Variants in RYR1 observed in about 807,000 individuals in gnomAD.
RYR1 encodes the protein central core disease of muscle.
Under a neutral mutation model 583.5 loss-of-function variants are expected in RYR1, and 342 were observed. The ratio of observed to expected loss-of-function variants is 0.59; its 90% CI spans 0.54 to 0.64. RYR1 has a LOEUF of 0.64. Among genes scored for constraint, RYR1 ranks in the 30% least tolerant of loss-of-function variants. RYR1 has a pLI of 0.00. For synonymous variants in RYR1, 2,791 were observed against 2,822.5 expected, an observed-to-expected ratio of 0.99 and a Z score of 0.35; for missense variants, 6,032 against 6,917.2, an observed-to-expected ratio of 0.87 and a Z score of 4.54.
Position 38,517,589 on chromosome 19 carries a change from G to A in RYR1, c.9916G>A (p.Ala3306Thr), listed in dbSNP as rs770907655. ...CGCCGGCGCCCCCCCACCCTGCACA[G>A]CTGTCACCTCTGACCACCTCAACTC... ...LPAGAPPPCTAVTSDHLNSLL... is the reference protein window; with the variant it reads ...LPAGAPPPCTTVTSDHLNSLL... Residue 3306 changes from alanine to threonine, a missense_variant, in exon 66 of 106, where the codon GCT (alanine) becomes ACT (threonine). Around this residue, in one of 11 missense-constraint regions of RYR1, gnomAD observed 1,493 missense variants for 1,715.5 expected, o/e 0.87. Coordinates refer to ENST00000359596, the MANE Select transcript of RYR1 (RefSeq NM_000540.3). The A allele has an allele frequency of 1.2e-5, 19 of 1,613,964 alleles. No individual in the cohort carries two copies. Among genetic ancestry groups the A allele is most frequent in the South Asian group, 2.2e-5 (2 of 91,094 alleles).
Position 38,460,385 on chromosome 19 carries a change from C to A in RYR1, c.2371C>A (p.Leu791Ile), listed in dbSNP as rs1001953442. The A allele has an allele frequency of 9.3e-6, 15 of 1,614,074 alleles. No individual in the cohort carries two copies. Among genetic ancestry groups the A allele is most frequent in the Admixed American group, 1.7e-5 (1 of 60,004 alleles). The change falls in exon 20 of 106, where the codon CTC becomes ATC. Residue 791 changes from leucine (L) to isoleucine (I), a missense_variant. This residue lies in a region of RYR1 where 2,627 missense variants were observed against 2,961.3 expected (regional missense o/e 0.89). Transcript: ENST00000359596. Reference protein sequence around the residue: ...SFSAGVKVRFLLGGRHGEFKF... With the variant: ...SFSAGVKVRFILGGRHGEFKF... Reference sequence around the variant, plus strand: ...TCCTTCCTTACCCAGGGTGCGGTTCCTCCTTGGTGGCCGCCATGGTGAATT... The same window carrying A: ...TCCTTCCTTACCCAGGGTGCGGTTCATCCTTGGTGGCCGCCATGGTGAATT...
chr19:38,459,083 C>A, intron 18 of RYR1, 63 bp from the exon 19 acceptor site: 1 of 1,418,714 alleles, frequency 7.0e-7, no homozygotes, highest in Non-Finnish European at 9.9e-7. Context: ...TGTCCCTTTT[C>A]TCTTGTTATC....
intron 87 of RYR1, among the ~76,000 whole-genome samples, chr19:38,544,428 G>C (rs10500279): frequency 0.059 from 9,044 of 152,202 alleles, 399 homozygotes; most frequent in South Asian, 0.22. Flanking sequence ...CTCTGCTTCT[G>C]TCTGGTAACT....
In RYR1 at chr19:38,577,979, A is replaced by T. The variant is rs2145888383; in HGVS notation, c.14234A>T (p.Asp4745Val). ...RERIAELLGM[D>V]LATLEITAHN... ...CGGATTGCTGAGCTACTGGGCATGG[A>T]CCTGGCCACACTAGAGATCACAGCC... The change falls in exon 98 of 106, where the codon GAC (aspartate) becomes GTC (valine). Residue 4745 changes from aspartate to valine, a missense_variant. Physicochemically the swap from Asp to Val is radical, Grantham distance 152. Transcript: ENST00000359596. 1.2e-6 allele frequency: 2 copies of T among 1,613,982 alleles called. No individual in the cohort carries two copies. Among genetic ancestry groups the T allele is most frequent in the East Asian group, 4.5e-5 (2 of 44,870 alleles).
In RYR1 at chr19:38,502,668, T is replaced by C. The variant is rs746577270; in HGVS notation, c.7776T>C (p.Gly2592=). The change falls in exon 48 of 106, where the codon GGT becomes GGC. Residue 2592 remains glycine, a synonymous_variant. Transcript: ENST00000359596. ...ATACCGTGTACCGCCTGTCTCGGGG[T>C]CGTTCGCTCACCAAGGCGCAGCGTG... ...MLHTVYRLSR[G]RSLTKAQRDV... 7 of 1,607,896 alleles carry C rather than the reference T, an allele frequency of 4.4e-6. No individual in the cohort carries two copies. Among genetic ancestry groups the C allele is most frequent in the Non-Finnish European group, 5.1e-6 (6 of 1,178,834 alleles).
intron 96 of RYR1, among the ~76,000 whole-genome samples, chr19:38,575,233 C>T (rs888805859): frequency 2.6e-5 from 4 of 152,162 alleles, no homozygotes; most frequent in Admixed American, 2.6e-4. Context: ...CCCATCACCA[C>T]GCCAGAGCCT....
At chr19:38,514,671 C>T (rs1220656452) in intron 63 of RYR1, among the ~76,000 whole-genome samples, 1 of 151,852 alleles carries the variant, frequency 6.6e-6, no homozygotes, top group Non-Finnish European at 1.5e-5. Flanking sequence ...GAGGAAGTAC[C>T]CCTCACTTTC....
At chr19:38,567,385 C>T (rs1345574809) in intron 92 of RYR1, among the ~76,000 whole-genome samples, 2 of 152,072 alleles carry the variant, frequency 1.3e-5, no homozygotes, top group Admixed American at 6.5e-5. Context: ...AACTGCCAGG[C>T]CTTCGCATGT....
At chr19:38,454,788 T>TAA (rs72192667) in intron 13 of RYR1, among the ~76,000 whole-genome samples, 87 of 146,196 alleles carry the variant, frequency 6.0e-4, no homozygotes, top group Non-Finnish European at 7.5e-4. Flanking sequence ...TATTAAAATG[T>TAA]AAAAAAAAAA....
chr19:38,574,300 A>T (rs925274995), intron 96 of RYR1, among the ~76,000 whole-genome samples: 29 of 151,492 alleles, frequency 1.9e-4, no homozygotes, highest in Non-Finnish European at 3.5e-4. Context: ...AAGGAAAAAA[A>T]AAAAAGAAAG....
At position 38,502,851 on chromosome 19, in the gene RYR1, G is replaced by GA. The variant is rs199849275; in HGVS notation, c.7836-28dup. The GA allele has an allele frequency of 0.013, 21,350 of 1,600,600 alleles. 267 individuals carry two copies. Among genetic ancestry groups the GA allele is most frequent in the Non-Finnish European group, 0.016 (18,538 of 1,175,190 alleles). Reference sequence around the variant, plus strand: ...GGCAGCAGAGCGGGCCTGGACGGGGGATTCTACATCTTGTGCATTGTCCCG... The same window carrying GA: ...GGCAGCAGAGCGGGCCTGGACGGGGGAATTCTACATCTTGTGCATTGTCCCG... On this transcript the variant is annotated intron_variant, in intron 48 of 105. Transcript: ENST00000359596.
rs35648526 is a variant in RYR1 at position 38,507,649 on chromosome 19, A to G, written c.8817-63A>G. ...GCCAGCAGGAGCAGAGGCGGACCTGAGAAGGGTGGGAAACTGTAGGGCCGG... is the reference window on the plus strand; with the variant it reads ...GCCAGCAGGAGCAGAGGCGGACCTGGGAAGGGTGGGAAACTGTAGGGCCGG... On this transcript the variant is annotated intron_variant, in intron 57 of 105. Transcript: ENST00000359596. 0.039 allele frequency: 41,875 copies of G among 1,070,232 alleles called. 1,124 individuals are homozygous for G. Among genetic ancestry groups the G allele is most frequent in the Non-Finnish European group, 0.045 (30,744 of 685,048 alleles). 66.3% of individuals were successfully genotyped at this position (1,070,232 alleles called of 1,614,324 possible).
intron 42 of RYR1, among the ~76,000 whole-genome samples, chr19:38,497,664 G>C (rs542221997): frequency 2.0e-5 from 3 of 152,280 alleles, no homozygotes; most frequent in Admixed American, 2.0e-4. Context: ...CAAAGCAGTA[G>C]CAATATGACA....
rs982601268 is a variant in RYR1, at chr19:38,561,415, G to T, written c.12585G>T (p.Glu4195Asp). 65 of 1,612,228 alleles carry T rather than the reference G, an allele frequency of 4.0e-5. No homozygotes were observed. The highest frequency in any genetic ancestry group is 5.4e-5 in the Non-Finnish European group (64 of 1,179,944). The change falls in exon 90 of 106, where the codon GAG becomes GAT. Residue 4195 changes from glutamate to aspartate, a missense_variant. By Grantham distance (45) the Glu-to-Asp change is conservative. This residue lies in a region of RYR1 where 753 missense variants were observed against 759.6 expected (regional missense o/e 0.99). Coordinates refer to ENST00000359596, the MANE Select transcript of RYR1 (RefSeq NM_000540.3). This position sits in a 1 kb window ranked among gnomAD's most constrained non-coding sequence, Gnocchi z 4.8. The stretch of plus-strand genomic sequence containing the variant: ...GCCGCATCGAGCGCATCTACTTCGA[G>T]ATCTCAGAGACCAACCGCGCCCAGT... ...ASRRIERIYFEISETNRAQWE... is the reference protein window; with the variant it reads ...ASRRIERIYFDISETNRAQWE...
At position 38,512,513 on chromosome 19, in the gene RYR1, C is replaced by G; in HGVS notation, c.9472+30C>G. ...GGGCGCCTGACCCAAGGGCAGGTTG[C>G]GGGGAGTCAGTGTGGCCAACACCAC... On this transcript the variant is annotated intron_variant, in intron 63 of 105. Transcript: ENST00000359596. This position sits in a 1 kb window ranked among gnomAD's most constrained non-coding sequence, Gnocchi z 5.1. 1 of 1,598,176 alleles carries G rather than the reference C, an allele frequency of 6.3e-7. No homozygotes were observed. Among genetic ancestry groups the G allele is most frequent in the Non-Finnish European group, 8.5e-7 (1 of 1,174,736 alleles).
intron 13 of RYR1, 40 bp downstream of exon 13, chr19:38,453,054 AG>A: frequency 7.5e-7 from 1 of 1,335,130 alleles, no homozygotes; most frequent in Admixed American, 1.9e-5. Context: ...CTGTGGGCCC[AG>A]GGGGCGGGAC....
Position 38,504,990 on chromosome 19 carries a change from G to C in RYR1, c.8232-13G>C, listed in dbSNP as rs189040589. 1.9e-5 allele frequency: 31 copies of C among 1,614,150 alleles called. No individual in the cohort carries two copies. The East Asian group carries it at 6.9e-4, about 36-fold the overall frequency. ...CCCAGCTCCAACATCTGCTGACCCTGTGCCCCCAACAGTGTGATCATCCCG... is the reference window on the plus strand; with the variant it reads ...CCCAGCTCCAACATCTGCTGACCCTCTGCCCCCAACAGTGTGATCATCCCG... On this transcript the variant is annotated splice_polypyrimidine_tract_variant and intron_variant, in intron 51 of 105. Coordinates refer to ENST00000359596, the MANE Select transcript of RYR1 (RefSeq NM_000540.3).
chr19:38,473,569 G>C lies in RYR1; in HGVS notation c.3958G>C (p.Asp1320His), dbSNP rs1408712596. ...TCCTGGCCTGCAGCCCCCCGCCGAG[G>C]ACGAGGCCCGGGCGGCGGAACCCGA... Reference protein sequence around the residue: ...APPGLQPPAEDEARAAEPDPD... With the variant: ...APPGLQPPAEHEARAAEPDPD... Residue 1320 changes from aspartate to histidine, a missense_variant, in exon 28 of 106, where the codon GAC becomes CAC. Transcript: ENST00000359596. 6.3e-7 allele frequency: 1 copy of C among 1,599,530 alleles called. No homozygotes were observed. The highest frequency in any genetic ancestry group is 1.1e-5 in the South Asian group (1 of 89,464).
At chr19:38,554,726 G>A (rs1052426791) in intron 89 of RYR1, among the ~76,000 whole-genome samples, 10 of 152,012 alleles carry the variant, frequency 6.6e-5, no homozygotes, top group Non-Finnish European at 1.0e-4. Context: ...TCCTGCCTCA[G>A]CCTCCCAAAG....
Sources: gnomAD v4.1 joint callset for allele counts (sites outside exome capture counted in the v4.1 genomes callset) on GRCh38, gnomAD v4.1.1 for gene constraint, gnomAD v4.1.1 regional missense constraint, Gnocchi (gnomAD v3.1) non-coding constraint, MANE v1.5 for transcripts, NCBI Gene and HGNC (gene_info 2026-07-23, HGNC 2026-07-21) for gene names.